CDKAL1: variants seen among roughly 807,000 people sequenced by gnomAD.
CDKAL1 encodes threonylcarbamoyladenosine tRNA methylthiotransferase.
A neutral mutation model predicts 68.2 loss-of-function variants in CDKAL1; 32 were observed. The observed-to-expected ratio is 0.47, with a 90% CI of 0.35 to 0.63. CDKAL1 has a LOEUF of 0.63. Ranked by LOEUF, CDKAL1 falls within the 30% of genes least tolerant of loss-of-function variation. CDKAL1 has a pLI of 0.00. For missense variants in CDKAL1, 606 were observed against 696.7 expected, an observed-to-expected ratio of 0.87 and a Z score of 1.47; for synonymous variants, 234 against 244.3, an observed-to-expected ratio of 0.96 and a Z score of 0.39.
At chr6:21,015,756 A>T (rs567206277) in intron 11 of CDKAL1, among the ~76,000 whole-genome samples, 2 of 152,084 alleles carry the variant, frequency 1.3e-5, no homozygotes, top group South Asian at 4.2e-4. Flanking sequence ...ACAAAACCAC[A>T]TCTCTACTAA....
chr6:20,739,987 C>T (rs1384058215), intron 6 of CDKAL1, among the ~76,000 whole-genome samples: 1 of 152,128 alleles, frequency 6.6e-6, no homozygotes, highest in African/African-American at 2.4e-5. Context: ...TTTTCAAATG[C>T]CCCACTTCCC....
chr6:20,903,057 G>A (rs74432333), intron 9 of CDKAL1, among the ~76,000 whole-genome samples: 2,590 of 152,098 alleles, frequency 0.017, 80 homozygotes, highest in African/African-American at 0.057. Context: ...GTGACTTCAG[G>A]GTGGAAAAAT....
chr6:21,202,520 T>C (rs1197817335), intron 15 of CDKAL1, among the ~76,000 whole-genome samples: 1 of 152,192 alleles, frequency 6.6e-6, no homozygotes, highest in Non-Finnish European at 1.5e-5. Flanking sequence ...TTTGAAAAAT[T>C]TTTTAAGAAG....
intron 5 of CDKAL1, among the ~76,000 whole-genome samples, chr6:20,669,084 G>T (rs1270091858): frequency 6.6e-6 from 1 of 152,070 alleles, no homozygotes; most frequent in East Asian, 1.9e-4. Flanking sequence ...TATTTAAGGT[G>T]GTAGCTGTCA....
At chr6:20,556,077 T>C (rs1764031698) in intron 4 of CDKAL1, among the ~76,000 whole-genome samples, 1 of 151,998 alleles carries the variant, frequency 6.6e-6, no homozygotes, top group African/African-American at 2.4e-5. Context: ...AAGTAAGCTG[T>C]TTCTTGGCCG....
At chr6:20,656,467 C>T (rs980070498) in intron 5 of CDKAL1, among the ~76,000 whole-genome samples, 28 of 149,904 alleles carry the variant, frequency 1.9e-4, no homozygotes, top group African/African-American at 6.6e-4. Flanking sequence ...AGATGCTGTC[C>T]GTTTTCAGAG....
At chr6:20,677,067 A>T (rs1002863883) in intron 5 of CDKAL1, among the ~76,000 whole-genome samples, 3 of 148,648 alleles carry the variant, frequency 2.0e-5, no homozygotes, top group Admixed American at 2.0e-4. Context: ...TTTTTATTTG[A>T]TAATTTTTTT....
intron 11 of CDKAL1, among the ~76,000 whole-genome samples, chr6:21,014,831 A>G (rs1768234617): frequency 6.6e-6 from 1 of 152,242 alleles, no homozygotes; most frequent in Admixed American, 6.5e-5. Context: ...AAATTAAACA[A>G]TATTTTGAAG....
At chr6:20,845,784 C>A (rs576404397) in intron 8 of CDKAL1, among the ~76,000 whole-genome samples, 1 of 152,228 alleles carries the variant, frequency 6.6e-6, no homozygotes, top group East Asian at 1.9e-4. Context: ...TTTGATTAGT[C>A]ATTGTAAGCA....
chr6:21,044,458 C>T (rs1402497229), intron 11 of CDKAL1, among the ~76,000 whole-genome samples: 3 of 152,180 alleles, frequency 2.0e-5, no homozygotes, highest in Non-Finnish European at 2.9e-5. Context: ...CACATTTATA[C>T]ACTTGCTTCT....
chr6:20,761,851 A>G (rs1774482469), intron 7 of CDKAL1, among the ~76,000 whole-genome samples: 1 of 152,192 alleles, frequency 6.6e-6, no homozygotes. Flanking sequence ...GACAATTGTC[A>G]TTATATATTT....
chr6:20,536,494 GA>G (rs1164503938), intron 2 of CDKAL1, among the ~76,000 whole-genome samples: 1 of 150,436 alleles, frequency 6.6e-6, no homozygotes, highest in African/African-American at 2.4e-5. Flanking sequence ...GTCATTTGTT[GA>G]AAAAAAAACT....
chr6:21,210,732 G>A (rs1341026834), intron 15 of CDKAL1, among the ~76,000 whole-genome samples: 1 of 152,200 alleles, frequency 6.6e-6, no homozygotes, highest in Non-Finnish European at 1.5e-5. Flanking sequence ...ATCAGGAAAT[G>A]TATGGGTCAG....
chr6:21,106,613 A>G (rs189857265), intron 12 of CDKAL1, among the ~76,000 whole-genome samples: 147 of 152,320 alleles, frequency 9.7e-4, no homozygotes, highest in Non-Finnish European at 1.8e-3. Flanking sequence ...AAAATAATAC[A>G]CATAAAAATA....
intron 13 of CDKAL1, among the ~76,000 whole-genome samples, chr6:21,119,601 T>C (rs1053149133): frequency 1.3e-5 from 2 of 152,276 alleles, no homozygotes; most frequent in African/African-American, 4.8e-5. Flanking sequence ...ACAGTTGCAG[T>C]GGTCATGGGT....
chr6:20,762,019 G>A (rs1407654217), intron 7 of CDKAL1, among the ~76,000 whole-genome samples: 1 of 152,038 alleles, frequency 6.6e-6, no homozygotes, highest in African/African-American at 2.4e-5. Context: ...GTGAAGTGGG[G>A]GCAGTGATAT....
chr6:20,946,127 A>G (rs1231184198), intron 9 of CDKAL1, among the ~76,000 whole-genome samples: 1 of 152,206 alleles, frequency 6.6e-6, no homozygotes, highest in Non-Finnish European at 1.5e-5. Flanking sequence ...TCAACATGTC[A>G]TCTTTGCTCT....
rs577994989 is a variant in CDKAL1 at position 21,185,747 on chromosome 6, G to A, written c.1300-12274G>A. ...TCTGAGACAGTGAAGTAATACTAAGGGAGAAATAGAATAGGTGAAGAGAAA... is the reference window on the plus strand; with the variant it reads ...TCTGAGACAGTGAAGTAATACTAAGAGAGAAATAGAATAGGTGAAGAGAAA... On this transcript the variant is annotated intron_variant, in intron 13 of 15. Transcript: ENST00000274695. 5.3e-5 allele frequency among the ~76,000 whole-genome samples: 8 copies of A among 152,062 alleles called. No individual in the cohort carries two copies. The South Asian group carries it at 1.5e-3, about 28-fold the overall frequency.
At chr6:21,141,414 T>C (rs1220312735) in intron 13 of CDKAL1, among the ~76,000 whole-genome samples, 2 of 152,206 alleles carry the variant, frequency 1.3e-5, no homozygotes, top group African/African-American at 4.8e-5. Context: ...TGCCAGGACA[T>C]TTGTCCCAGT....
Sources: gnomAD v4.1 joint callset for allele counts (sites outside exome capture counted in the v4.1 genomes callset) on GRCh38, gnomAD v4.1.1 for gene constraint, MANE v1.5 for transcripts, NCBI Gene and HGNC (gene_info 2026-07-23, HGNC 2026-07-21) for gene names.